The following GPR55 variants were observed in gnomAD, a reference collection of about 807,000 sequenced individuals.
GPR55 encodes the protein G-protein coupled receptor 55.
In GPR55, 6 loss-of-function variants were observed where a neutral mutation model predicts 7.9. The observed-to-expected ratio is 0.76, with a 90% confidence interval of 0.41 to 1.49. GPR55 has a LOEUF of 1.49. Ranked by LOEUF, GPR55 falls within the 40% of genes most tolerant of loss-of-function variation. The probability of loss-of-function intolerance (pLI) is 0.01; values close to 1 mark genes in which losing one functional copy is unlikely to be tolerated. For missense variants in GPR55, 376 were observed against 406.0 expected (o/e 0.93, Z 0.63); for synonymous variants, 183 against 166.8 (o/e 1.10, Z -0.75).
At chr2:230,941,678 A>G (rs777846889) in intron 1 of GPR55, among the ~76,000 whole-genome samples, 1 of 151,318 alleles carries the variant, frequency 6.6e-6, no homozygotes, top group Non-Finnish European at 1.5e-5. Context: ...ATCCGCAGTG[A>G]CTCCCTGTCC....
In GPR55 at chr2:230,910,273, G is replaced by C; in HGVS notation, c.690C>G (p.Ala230=). Reference sequence around the variant, plus strand: ...AGGAGACCACGAAGACAGCCAGGCTGGCTGCGATGCTGTAGATGCAGGCTT... The same window carrying C: ...AGGAGACCACGAAGACAGCCAGGCTCGCTGCGATGCTGTAGATGCAGGCTT... ...QQKACIYSIA[A]SLAVFVVSFL... is the part of the protein sequence containing the mutation. The change falls in exon 2 of 2, where the codon GCC becomes GCG. Residue 230 remains alanine (A), a synonymous_variant. Coordinates refer to ENST00000650999, the MANE Select transcript of GPR55 (RefSeq NM_005683.4). The surrounding 1 kb of genome is among the most constrained non-coding windows in gnomAD (Gnocchi z 5.4). 1 of 1,614,066 alleles carries C rather than the reference G, an allele frequency of 6.2e-7. No individual in the cohort carries two copies. Among genetic ancestry groups the C allele is most frequent in the Non-Finnish European group, 8.5e-7 (1 of 1,179,994 alleles).
At chr2:230,937,448 G>GA (rs1259855165) in intron 1 of GPR55, among the ~76,000 whole-genome samples, 2 of 58,252 alleles carry the variant, frequency 3.4e-5, no homozygotes, top group Non-Finnish European at 5.7e-5. Context: ...GGTCCCTGGG[G>GA]AAAAAACACA....
Position 230,910,045 on chromosome 2 carries a change from C to G in GPR55, c.918G>C (p.Arg306Ser). The change falls in exon 2 of 2, where the codon AGG (arginine) becomes AGC (serine). Residue 306 changes from arginine to serine, a missense_variant. Transcript: ENST00000650999. The surrounding 1 kb of genome is among the most constrained non-coding windows in gnomAD (Gnocchi z 5.4). Reference protein sequence around the residue: ...RMNIRAHRPSRVQLVLQDTTI... With the variant: ...RMNIRAHRPSSVQLVLQDTTI... ...TGGTGTCCTGCAGGACCAGCTGGACCCTGGAAGGCCGGTGGGCCCTGATGT... is the reference window on the plus strand; with the variant it reads ...TGGTGTCCTGCAGGACCAGCTGGACGCTGGAAGGCCGGTGGGCCCTGATGT... The G allele has an allele frequency of 6.2e-7, 1 of 1,614,072 alleles. No individual in the cohort carries two copies.
intron 1 of GPR55, among the ~76,000 whole-genome samples, chr2:230,949,894 G>A (rs1691374162): frequency 6.6e-6 from 1 of 152,032 alleles, no homozygotes; most frequent in Non-Finnish European, 1.5e-5. Flanking sequence ...GAGTACAGTG[G>A]CACAATCTCG....
Position 230,924,829 on chromosome 2 carries a change from C to T in GPR55, c.-135+339G>A, listed in dbSNP as rs1690914235. On this transcript the variant is annotated intron_variant, in intron 1 of 1. Coordinates refer to ENST00000650999, the MANE Select transcript of GPR55 (RefSeq NM_005683.4). This position sits in a 1 kb window ranked among gnomAD's most constrained non-coding sequence, Gnocchi z 4.5. ...GGCGGTGGCACGTGAGCTACATGCCCCGGGAAGGCTCCCAGGCTGCCTATG... is the reference window on the plus strand; with the variant it reads ...GGCGGTGGCACGTGAGCTACATGCCTCGGGAAGGCTCCCAGGCTGCCTATG... Among the ~76,000 whole-genome samples, 1 of 152,066 alleles carries T rather than the reference C, an allele frequency of 6.6e-6. No individual in the cohort carries two copies. Among genetic ancestry groups the T allele is most frequent in the African/African-American group, 2.4e-5 (1 of 41,386 alleles).
intron 1 of GPR55, among the ~76,000 whole-genome samples, chr2:230,931,684 A>T (rs1041633861): frequency 5.3e-5 from 8 of 152,006 alleles, no homozygotes; most frequent in East Asian, 3.9e-4. Flanking sequence ...GCCCCACTTC[A>T]CAGTCTGGCC....
chr2:230,915,408 C>A (rs902405731), intron 1 of GPR55, among the ~76,000 whole-genome samples: 2 of 152,146 alleles, frequency 1.3e-5, no homozygotes, highest in Non-Finnish European at 2.9e-5. Context: ...TGGGTGCCTT[C>A]GCCTCCTAGG....
At chr2:230,947,066 T>C (rs1169837589) in intron 1 of GPR55, among the ~76,000 whole-genome samples, 1 of 152,228 alleles carries the variant, frequency 6.6e-6, no homozygotes, top group Non-Finnish European at 1.5e-5. Flanking sequence ...CCTGTCACAT[T>C]GGCCACACCA....
intron 1 of GPR55, among the ~76,000 whole-genome samples, chr2:230,948,192 A>G (rs1379767846): frequency 6.6e-6 from 1 of 152,060 alleles, no homozygotes; most frequent in Non-Finnish European, 1.5e-5. Context: ...GCCTCTGACA[A>G]CAGCTGCTTA....
intron 1 of GPR55, among the ~76,000 whole-genome samples, chr2:230,919,925 A>G (rs1325718800): frequency 6.6e-6 from 1 of 151,940 alleles, no homozygotes; most frequent in Non-Finnish European, 1.5e-5. Context: ...AAACTATAGA[A>G]TTAGACATTC....
chr2:230,908,959 T>G lies in GPR55; in HGVS notation c.*1044A>C, dbSNP rs1016681885. Reference sequence around the variant, plus strand: ...CAGCTGCCAGGGAGGGACGGCTCCATGGGCAGTGCCACGGGTGCCAGCTGC... The same window carrying G: ...CAGCTGCCAGGGAGGGACGGCTCCAGGGGCAGTGCCACGGGTGCCAGCTGC... On this transcript the variant is annotated 3_prime_UTR_variant, in exon 2 of 2. Coordinates refer to ENST00000650999, the MANE Select transcript of GPR55 (RefSeq NM_005683.4). 32 of 152,426 alleles carry G rather than the reference T, an allele frequency of 2.1e-4. No individual in the cohort carries two copies. Among genetic ancestry groups the G allele is most frequent in the African/African-American group, 7.5e-4 (31 of 41,562 alleles). The allele number at this position is 152,426 out of a possible 1,614,324, so 9.4% of individuals were successfully genotyped here.
chr2:230,960,300 T>C (rs1461797719), intron 1 of GPR55, among the ~76,000 whole-genome samples: 1 of 152,126 alleles, frequency 6.6e-6, no homozygotes, highest in Non-Finnish European at 1.5e-5. Context: ...AAATGTGCAG[T>C]ACCAGTATAA....
At position 230,909,889 on chromosome 2, in the gene GPR55, G is replaced by T; in HGVS notation, c.*114C>A. ...GGCACTCAATGGGCATCAAAGGGAA[G>T]CACATCAGTGAAGATGGTGCGGATC... On this transcript the variant is annotated 3_prime_UTR_variant, in exon 2 of 2. Transcript: ENST00000650999. 1 of 1,073,982 alleles carries T rather than the reference G, an allele frequency of 9.3e-7. No individual in the cohort carries two copies. Among genetic ancestry groups the T allele is most frequent in the Non-Finnish European group, 1.4e-6 (1 of 731,366 alleles). The allele number at this position is 1,073,982 out of a possible 1,614,324, so 66.5% of individuals were successfully genotyped here. A position where few individuals can be genotyped will look rare whatever the true frequency, so the allele number is the denominator to read the frequency against.
At chr2:230,934,575 C>T (rs140113222) in intron 1 of GPR55, among the ~76,000 whole-genome samples, 1 of 152,168 alleles carries the variant, frequency 6.6e-6, no homozygotes, top group Non-Finnish European at 1.5e-5. Context: ...AGAGCCCGGC[C>T]GCCTCCCTCC....
At chr2:230,942,999 C>T (rs1691256992) in intron 1 of GPR55, among the ~76,000 whole-genome samples, 1 of 149,026 alleles carries the variant, frequency 6.7e-6, no homozygotes, top group Non-Finnish European at 1.5e-5. Context: ...GTCCTTGTGA[C>T]CTGAAGAGAA....
intron 1 of GPR55, among the ~76,000 whole-genome samples, chr2:230,946,818 G>A (rs1691324995): frequency 6.6e-6 from 1 of 152,218 alleles, no homozygotes. Flanking sequence ...GGACCTCCAG[G>A]GCCTAACTGG....
Position 230,909,028 on chromosome 2 carries a change from C to T in GPR55, c.*975G>A, listed in dbSNP as rs763938959. The T allele has an allele frequency of 1.3e-5, 2 of 152,350 alleles. No homozygotes were observed. The highest frequency in any genetic ancestry group is 2.4e-5 in the African/African-American group (1 of 41,476). 9.4% of individuals were successfully genotyped at this position (152,350 alleles called of 1,614,324 possible). ...AGTAAGACAGCACCTCCTCCACCCT[C>T]CTATGGTGGAACCAAGGCAGGCCTG... On this transcript the variant is annotated 3_prime_UTR_variant, in exon 2 of 2. Transcript: ENST00000650999.
intron 1 of GPR55, among the ~76,000 whole-genome samples, chr2:230,916,327 G>C (rs1439427189): frequency 6.6e-6 from 1 of 150,448 alleles, no homozygotes; most frequent in South Asian, 2.1e-4. Flanking sequence ...TTTGAGACCC[G>C]CCTAGGCAAC....
chr2:230,908,756 T>C lies in GPR55; in HGVS notation c.*1247A>G, dbSNP rs1394051580. The C allele has an allele frequency of 2.0e-5, 3 of 152,402 alleles. No individual in the cohort carries two copies. The highest frequency in any genetic ancestry group is 7.2e-5 in the African/African-American group (3 of 41,440). 9.4% of individuals were successfully genotyped at this position (152,402 alleles called of 1,614,324 possible). A position where few individuals can be genotyped will look rare whatever the true frequency, so the allele number is the denominator to read the frequency against. On this transcript the variant is annotated 3_prime_UTR_variant, in exon 2 of 2. Transcript: ENST00000650999. ...ATGGATCCTTCTCATCATTTCACTC[T>C]CCGGAGCAGCTGAGTCATTGGGAGG...
Sources: gnomAD v4.1 joint callset for allele counts (sites outside exome capture counted in the v4.1 genomes callset) on GRCh38, gnomAD v4.1.1 for gene constraint, Gnocchi (gnomAD v3.1) non-coding constraint, MANE v1.5 for transcripts, NCBI Gene and HGNC (gene_info 2026-07-23, HGNC 2026-07-21) for gene names.